The following TMEM50B variants were observed in gnomAD, a reference collection of about 807,000 sequenced individuals.
TMEM50B encodes the protein HCV p7-trans-regulated protein 3.
Under a neutral mutation model 23.4 loss-of-function variants are expected in TMEM50B, and 14 were observed. That is an observed-to-expected ratio of 0.60 (90% CI 0.39 to 0.93). TMEM50B has a LOEUF of 0.93. Among genes scored for constraint, TMEM50B ranks in the 40% least tolerant of loss-of-function variants. The pLI, the probability that TMEM50B is intolerant of heterozygous loss-of-function variation, is 0.00. For missense variants in TMEM50B, 159 were observed against 193.0 expected (o/e 0.82, Z 1.04); for synonymous variants, 64 against 62.3 (o/e 1.03, Z -0.13).
intron 5 of TMEM50B, 123 bp downstream of exon 5, chr21:33,460,290 C>A: frequency 1.4e-6 from 1 of 704,904 alleles, no homozygotes; most frequent in South Asian, 1.6e-5. Context: ...TGTATCTTCA[C>A]ACAGAGCAGT....
chr21:33,437,146 G>C (rs1248350315), intron 8 of TMEM50B: 1 of 582,628 alleles, frequency 1.7e-6, no homozygotes. Flanking sequence ...TTTTCTTAAA[G>C]AATTTTCAAA....
At chr21:33,447,681 TACACACACACACAC>T (rs764155101), downstream of TMEM50B, among the ~76,000 whole-genome samples, 2 of 132,046 alleles carry the variant, frequency 1.5e-5, no homozygotes, top group African/African-American at 2.8e-5. Flanking sequence ...TGTATAGAAA[TACACACACACACAC>T]ACACACACAC....
At chr21:33,470,136 G>A (rs2084299474) in intron 1 of TMEM50B, among the ~76,000 whole-genome samples, 1 of 151,992 alleles carries the variant, frequency 6.6e-6, no homozygotes, top group South Asian at 2.1e-4. Context: ...GGACAGGGCT[G>A]AAAAACAGGC....
At chr21:33,469,923 A>T (rs1182132984) in intron 1 of TMEM50B, among the ~76,000 whole-genome samples, 1 of 152,206 alleles carries the variant, frequency 6.6e-6, no homozygotes, top group Non-Finnish European at 1.5e-5. Context: ...TAAACATAAT[A>T]AAATGACTGT....
intron 7 of TMEM50B, among the ~76,000 whole-genome samples, chr21:33,443,619 C>T (rs1246853135): frequency 6.6e-6 from 1 of 152,122 alleles, no homozygotes; most frequent in Non-Finnish European, 1.5e-5. Flanking sequence ...GATCCTGCCA[C>T]AGAAAAATAG....
intron 6 of TMEM50B, 117 bp downstream of exon 6, chr21:33,455,610 A>C: frequency 1.1e-6 from 1 of 870,924 alleles, no homozygotes; most frequent in East Asian, 2.5e-5. Context: ...TTTTAAAAGA[A>C]GTTCTATCAT....
chr21:33,457,156 A>G (rs1468969056), intron 5 of TMEM50B, among the ~76,000 whole-genome samples: 1 of 151,992 alleles, frequency 6.6e-6, no homozygotes, highest in African/African-American at 2.4e-5. Flanking sequence ...TGGGAGATTG[A>G]GACAGGAGAA....
At chr21:33,443,192 G>A (rs1227168289) in intron 7 of TMEM50B, among the ~76,000 whole-genome samples, 1 of 152,132 alleles carries the variant, frequency 6.6e-6, no homozygotes, top group Non-Finnish European at 1.5e-5. Flanking sequence ...TTGGAGATGG[G>A]CAGGTACAAA....
At chr21:33,444,355 C>G (rs1024549562), downstream of TMEM50B, among the ~76,000 whole-genome samples, 1 of 152,142 alleles carries the variant, frequency 6.6e-6, no homozygotes, top group Admixed American at 6.5e-5. Context: ...CCAGACCAAT[C>G]TGGGCAACAT....
downstream of TMEM50B, among the ~76,000 whole-genome samples, chr21:33,447,677 G>T (rs2084075474): frequency 9.9e-6 from 1 of 101,464 alleles, no homozygotes; most frequent in South Asian, 3.4e-4. Flanking sequence ...CTTGTGTATA[G>T]AAATACACAC....
At chr21:33,472,948 C>A (rs532130737) in intron 1 of TMEM50B, among the ~76,000 whole-genome samples, 1 of 151,462 alleles carries the variant, frequency 6.6e-6, no homozygotes, top group Admixed American at 6.6e-5. Flanking sequence ...CCAAAAAGCT[C>A]AGCAAACTCC....
At chr21:33,474,455 A>G (rs1451410653) in intron 1 of TMEM50B, among the ~76,000 whole-genome samples, 1 of 151,800 alleles carries the variant, frequency 6.6e-6, no homozygotes, top group Non-Finnish European at 1.5e-5. Flanking sequence ...TTCAAGCTGA[A>G]AGGAATGATA....
intron 4 of TMEM50B, 53 bp downstream of exon 4, chr21:33,465,289 G>A: frequency 7.3e-7 from 1 of 1,374,350 alleles, no homozygotes; most frequent in South Asian, 1.3e-5. Context: ...CTTTTTTTCT[G>A]GTGACAAATT....
At chr21:33,455,682 T>C (rs1568978162) in intron 6 of TMEM50B, 45 bp downstream of exon 6, 3 of 1,491,038 alleles carry the variant, frequency 2.0e-6, no homozygotes, top group Middle Eastern at 1.7e-4. Context: ...TAAGTTGACA[T>C]TTCTGTAAAT....
chr21:33,451,896 C>T (rs928739), intron 6 of TMEM50B, among the ~76,000 whole-genome samples: 89,149 of 151,956 alleles, frequency 0.59, 28,201 homozygotes, highest in East Asian at 0.83. Flanking sequence ...GATCAGCTTG[C>T]AAGGAAAACA....
chr21:33,435,906 AATT>A (rs1235770303), intron 8 of TMEM50B, among the ~76,000 whole-genome samples: 3 of 148,772 alleles, frequency 2.0e-5, no homozygotes, highest in East Asian at 3.9e-4. Context: ...AAAAAAAAAA[AATT>A]AGCCAGCCGT....
At chr21:33,461,687 C>T (rs1051529157) in intron 4 of TMEM50B, among the ~76,000 whole-genome samples, 5 of 151,888 alleles carry the variant, frequency 3.3e-5, no homozygotes, top group African/African-American at 1.2e-4. Flanking sequence ...TGCCTGTAGT[C>T]CCAGCTATTC....
chr21:33,470,594 G>A (rs1017658011), intron 1 of TMEM50B, among the ~76,000 whole-genome samples: 1 of 151,628 alleles, frequency 6.6e-6, no homozygotes, highest in African/African-American at 2.4e-5. Context: ...AAAATTAGCT[G>A]GGCATGATGG....
chr21:33,460,250 T>C (rs2084205224), intron 5 of TMEM50B, 163 bp downstream of exon 5: 1 of 618,690 alleles, frequency 1.6e-6, no homozygotes, highest in Admixed American at 2.8e-5. Context: ...CTGCACTAAG[T>C]GTTCCCACTG....
Sources: gnomAD v4.1 joint callset for allele counts (sites outside exome capture counted in the v4.1 genomes callset) on GRCh38, gnomAD v4.1.1 for gene constraint, MANE v1.5 for transcripts, NCBI Gene and HGNC (gene_info 2026-07-23, HGNC 2026-07-21) for gene names.